The following LPP variants were observed in gnomAD, a reference collection of about 807,000 sequenced individuals.
LPP encodes LIM domain containing preferred translocation partner in lipoma.
LPP carries 38 observed loss-of-function variants against 60.4 expected under a neutral mutation model. The observed-to-expected ratio is 0.63, with a 90% CI of 0.49 to 0.83. LPP has a LOEUF of 0.83. Ranked by LOEUF, LPP falls within the 40% of genes least tolerant of loss-of-function variation. LPP has a pLI of 0.00. For missense variants in LPP, 902 were observed against 783.6 expected (o/e 1.15, Z -1.80); for synonymous variants, 328 against 290.8 (o/e 1.13, Z -1.30).
chr3:188,748,711 A>G (rs1727099276), intron 8 of LPP, among the ~76,000 whole-genome samples: 2 of 152,268 alleles, frequency 1.3e-5, no homozygotes, highest in South Asian at 4.2e-4. Context: ...TGAACCCGGG[A>G]GGCAGAGGTT....
Position 188,561,415 on chromosome 3 carries a change from C to A in LPP, c.429+36628C>A, listed in dbSNP as rs1181103058. ...ATGGCAGCCTTGAATTTTCTCCTCT[C>A]TCCTTTAATGGAAATCCATTCTATA... On this transcript the variant is annotated intron_variant, in intron 6 of 11. Coordinates refer to ENST00000617246, the MANE Select transcript of LPP (RefSeq NM_001375462.1). Among the ~76,000 whole-genome samples, 4 of 152,174 alleles carry A rather than the reference C, an allele frequency of 2.6e-5. No homozygotes were observed. The East Asian group carries it at 7.8e-4, about 30-fold the overall frequency.
At chr3:188,779,874 G>T (rs1230295746) in intron 9 of LPP, among the ~76,000 whole-genome samples, 1 of 152,094 alleles carries the variant, frequency 6.6e-6, no homozygotes, top group Non-Finnish European at 1.5e-5. Flanking sequence ...TGAATCTTCT[G>T]TTTTGGCTAA....
intron 4 of LPP, among the ~76,000 whole-genome samples, chr3:188,478,750 G>GT (rs908434437): frequency 5.3e-5 from 8 of 151,716 alleles, no homozygotes; most frequent in Non-Finnish European, 1.0e-4. Context: ...ATAGTTTTTT[G>GT]TTTTTTTGTT....
At chr3:188,240,329 A>G (rs1723720639) in intron 2 of LPP, among the ~76,000 whole-genome samples, 1 of 150,072 alleles carries the variant, frequency 6.7e-6, no homozygotes, top group Non-Finnish European at 1.5e-5. Flanking sequence ...AAGAGTCAGG[A>G]GTTTTGGGTA....
chr3:188,701,465 G>A (rs555663009), intron 7 of LPP, among the ~76,000 whole-genome samples: 1 of 152,304 alleles, frequency 6.6e-6, no homozygotes, highest in Admixed American at 6.5e-5. Flanking sequence ...GACTTTCAAC[G>A]ATTAACCTTT....
rs139302682 is a variant in LPP, at chr3:188,645,793, T to C, written c.1113+35949T>C. ...GATTGCAAAGTTTGTCATGCCCTGA[T>C]TGACAAATATAAGTTCAAAAAAAAA... On this transcript the variant is annotated intron_variant, in intron 7 of 11. Transcript: ENST00000617246. Among the ~76,000 whole-genome samples the C allele has an allele frequency of 4.0e-3, 600 of 151,620 alleles. 3 individuals carry two copies. Among genetic ancestry groups the C allele is most frequent in the African/African-American group, 0.013 (552 of 41,386 alleles).
chr3:188,654,844 A>G (rs1212710798), intron 7 of LPP, among the ~76,000 whole-genome samples: 4 of 152,232 alleles, frequency 2.6e-5, no homozygotes, highest in Non-Finnish European at 5.9e-5. Flanking sequence ...TGAGTCAGAA[A>G]TTAGGAAGAT....
At chr3:188,829,859 A>G (rs946279885) in intron 9 of LPP, among the ~76,000 whole-genome samples, 1 of 151,982 alleles carries the variant, frequency 6.6e-6, no homozygotes, top group African/African-American at 2.4e-5. Flanking sequence ...TCCCGGACAC[A>G]TGGGATAGTT....
intron 4 of LPP, among the ~76,000 whole-genome samples, chr3:188,423,198 T>C (rs955909398): frequency 2.0e-5 from 3 of 151,504 alleles, no homozygotes; most frequent in East Asian, 1.9e-4. Flanking sequence ...GAACATGTGG[T>C]GTTTGGTTTT....
chr3:188,251,163 T>G (rs1729503566), intron 2 of LPP, among the ~76,000 whole-genome samples: 1 of 150,740 alleles, frequency 6.6e-6, no homozygotes. Context: ...GATTTCTGTT[T>G]CAATCTTTCA....
In LPP at chr3:188,536,709, G is replaced by T. The variant is rs1042482226; in HGVS notation, c.429+11922G>T. ...ATATAAGATTTAAGTGGGTTAAAAA[G>T]ATATAATATTTACTTGTTCCTTTTA... On this transcript the variant is annotated intron_variant, in intron 6 of 11. Transcript: ENST00000617246. Among the ~76,000 whole-genome samples the T allele has an allele frequency of 2.6e-5, 4 of 152,188 alleles. No homozygotes were observed. The South Asian group carries it at 6.2e-4, about 24-fold the overall frequency.
At chr3:188,770,719 T>C (rs2150676014) in intron 9 of LPP, among the ~76,000 whole-genome samples, 1 of 152,232 alleles carries the variant, frequency 6.6e-6, no homozygotes, top group African/African-American at 2.4e-5. Context: ...AGATTCTAGA[T>C]ATGAGAGTCT....
rs190123931 is a variant in LPP, at chr3:188,486,618, T to G, written c.306+1914T>G. On this transcript the variant is annotated intron_variant, in intron 5 of 11. Transcript: ENST00000617246. ...TAGATATTAAGAAGTAGAAAAGGCT[T>G]TTGATATTATCTATCATTTGAAATC... Among the ~76,000 whole-genome samples the G allele has an allele frequency of 2.0e-3, 305 of 152,314 alleles. 3 individuals carry two copies. Among genetic ancestry groups the G allele is most frequent in the African/African-American group, 6.9e-3 (287 of 41,558 alleles).
chr3:188,723,029 T>A (rs903879172), intron 8 of LPP, among the ~76,000 whole-genome samples: 1 of 151,416 alleles, frequency 6.6e-6, no homozygotes, highest in African/African-American at 2.5e-5. Flanking sequence ...TTTTAGTCAT[T>A]GTGTGTGAGA....
chr3:188,846,367 G>A (rs1761395824), intron 9 of LPP, among the ~76,000 whole-genome samples: 1 of 152,154 alleles, frequency 6.6e-6, no homozygotes, highest in East Asian at 1.9e-4. Flanking sequence ...ATGAAGAGAG[G>A]TGCCAAGGGC....
chr3:188,855,395 A>G (rs1219135653), intron 9 of LPP, among the ~76,000 whole-genome samples: 3 of 152,250 alleles, frequency 2.0e-5, no homozygotes, highest in Non-Finnish European at 4.4e-5. Flanking sequence ...TGGCAGAAGC[A>G]TAGTAGCAAC....
chr3:188,585,821 A>C (rs532982278), intron 6 of LPP, among the ~76,000 whole-genome samples: 1 of 152,364 alleles, frequency 6.6e-6, no homozygotes, highest in African/African-American at 2.4e-5. Flanking sequence ...AATATATGCA[A>C]ACACACATGT....
chr3:188,816,347 GC>G (rs1330513992), intron 9 of LPP, among the ~76,000 whole-genome samples: 3 of 151,826 alleles, frequency 2.0e-5, no homozygotes, highest in African/African-American at 7.3e-5. Flanking sequence ...GACTACAGGC[GC>G]CCACCACCAT....
intron 8 of LPP, among the ~76,000 whole-genome samples, chr3:188,747,615 G>T (rs1726670267): frequency 6.6e-6 from 1 of 151,926 alleles, no homozygotes; most frequent in South Asian, 2.1e-4. Context: ...AGCTTCTATG[G>T]AGAGAGAGAG....
Sources: gnomAD v4.1 joint callset for allele counts (sites outside exome capture counted in the v4.1 genomes callset) on GRCh38, gnomAD v4.1.1 for gene constraint, MANE v1.5 for transcripts, NCBI Gene and HGNC (gene_info 2026-07-23, HGNC 2026-07-21) for gene names.